Variants in SLC14A2 observed in about 807,000 individuals in gnomAD.
SLC14A2 encodes the protein urea transporter 2.
In SLC14A2, 91 loss-of-function variants were observed where a neutral mutation model predicts 104.6. The ratio of observed to expected loss-of-function variants is 0.87; its 90% CI spans 0.73 to 1.04. SLC14A2 has a LOEUF of 1.04. Ranked by LOEUF, SLC14A2 falls within the 50% of genes least tolerant of loss-of-function variation. The probability of loss-of-function intolerance (pLI) is 0.00; values close to 1 mark genes in which losing one functional copy is unlikely to be tolerated. For synonymous variants in SLC14A2, 476 were observed against 466.4 expected (o/e 1.02, Z -0.27); for missense variants, 1,189 against 1,156.0 (o/e 1.03, Z -0.41).
At chr18:45,431,536 C>T (rs960103875) in intron 1 of SLC14A2, among the ~76,000 whole-genome samples, 2 of 152,206 alleles carry the variant, frequency 1.3e-5, no homozygotes, top group Non-Finnish European at 2.9e-5. Flanking sequence ...GTTCTCTTTC[C>T]TCTTTTCTAT....
At chr18:45,197,549 G>A in the SLC14A2 span, among the ~76,000 whole-genome samples, 5 of 152,226 alleles carry the variant, frequency 3.3e-5, no homozygotes, top group African/African-American at 9.7e-5. Flanking sequence ...TGACAGTCTT[G>A]TGGGTTCTAT....
intron 1 of SLC14A2, among the ~76,000 whole-genome samples, chr18:45,390,403 C>G (rs552920492): frequency 2.0e-5 from 3 of 152,146 alleles, no homozygotes; most frequent in African/African-American, 7.2e-5. Context: ...ATATGCTAAG[C>G]TTTATGGTAG....
intron 2 of SLC14A2, among the ~76,000 whole-genome samples, chr18:45,582,103 A>G (rs1386266823): frequency 1.3e-5 from 2 of 152,224 alleles, no homozygotes; most frequent in African/African-American, 4.8e-5. Flanking sequence ...ATGAACATGC[A>G]TGACATCATT....
chr18:45,585,317 T>C (rs2044550467), intron 2 of SLC14A2, among the ~76,000 whole-genome samples: 2 of 152,316 alleles, frequency 1.3e-5, no homozygotes, highest in South Asian at 4.1e-4. Flanking sequence ...CTCCCTAGCA[T>C]ATCATTTAGT....
At chr18:45,212,523 C>T (rs996202278), upstream of SLC14A2, among the ~76,000 whole-genome samples, 2 of 152,132 alleles carry the variant, frequency 1.3e-5, no homozygotes, top group African/African-American at 2.4e-5. Context: ...ATACAGTACG[C>T]GCAAGAGAAG....
intron 4 of SLC14A2, among the ~76,000 whole-genome samples, chr18:45,630,220 T>A (rs902923112): frequency 2.6e-5 from 4 of 152,208 alleles, no homozygotes; most frequent in African/African-American, 9.7e-5. Context: ...CAGGTCAGTG[T>A]CTTGTTCTGC....
rs1348610063 is a variant in SLC14A2, at chr18:45,666,986, T to C, written c.1609T>C (p.Ser537Pro). Reference protein sequence around the residue: ...SSEIKVETNISKTSWIRSSMA... With the variant: ...SSEIKVETNIPKTSWIRSSMA... ...TGAGATAAAAGTGGAAACAAACATT[T>C]CCAAGACATCCTGGATTCGGAGTTC... The change falls in exon 13 of 20, where the codon TCC becomes CCC. Residue 537 changes from serine (S) to proline (P), a missense_variant. Physicochemically the swap from Ser to Pro is moderately conservative, Grantham distance 74 (BLOSUM62 -1). Transcript: ENST00000255226. The C allele has an allele frequency of 1.2e-6, 2 of 1,613,962 alleles. No individual in the cohort carries two copies. Among genetic ancestry groups the C allele is most frequent in the African/African-American group, 1.3e-5 (1 of 74,882 alleles).
At chr18:45,605,600 G>T (rs1356181047) in intron 2 of SLC14A2, among the ~76,000 whole-genome samples, 1 of 152,202 alleles carries the variant, frequency 6.6e-6, no homozygotes. Flanking sequence ...AGTTAAGGTT[G>T]CAGCCTTGAA....
intron 1 of SLC14A2, among the ~76,000 whole-genome samples, chr18:45,410,302 C>G (rs1311872138): frequency 6.6e-6 from 1 of 152,172 alleles, no homozygotes; most frequent in East Asian, 1.9e-4. Flanking sequence ...GGGTCAGGGA[C>G]TCTTGTTCTA....
Position 45,250,884 on chromosome 18 carries a change from T to C in SLC14A2, c.-125+37693T>C, listed in dbSNP as rs756152835. Among the ~76,000 whole-genome samples the C allele has an allele frequency of 5.3e-5, 8 of 151,818 alleles. 1 individual carries two copies. In the East Asian group the frequency reaches 1.2e-3, roughly 22 times the overall value. ...TGGGAAACTTTGAAGATGAGATGCCTGAGGCAAGTTAACTGGAAAAGTGTG... is the reference window on the plus strand; with the variant it reads ...TGGGAAACTTTGAAGATGAGATGCCCGAGGCAAGTTAACTGGAAAAGTGTG... On this transcript the variant is annotated intron_variant, in intron 1 of 20. Transcript: ENST00000586448.
intron 1 of SLC14A2, among the ~76,000 whole-genome samples, chr18:45,441,161 A>G (rs1055419546): frequency 2.6e-5 from 4 of 152,098 alleles, no homozygotes; most frequent in Admixed American, 2.6e-4. Context: ...CATTCTACTT[A>G]TGCCAATGTT....
chr18:45,617,198 G>A (rs558791137), intron 1 of SLC14A2, among the ~76,000 whole-genome samples: 25 of 152,318 alleles, frequency 1.6e-4, no homozygotes, highest in Non-Finnish European at 2.6e-4. Flanking sequence ...CAAGTGGTCT[G>A]CTCTCTCCCC....
Position 45,542,846 on chromosome 18 carries a change from C to CTAAA in SLC14A2, c.-35+59525_-35+59526insAAAT, listed in dbSNP as rs200980844. 8.5e-5 allele frequency among the ~76,000 whole-genome samples: 13 copies of CTAAA among 152,106 alleles called. No individual in the cohort carries two copies. In the East Asian group the frequency reaches 2.5e-3, roughly 29 times the overall value. ...CTACCCTCAAGGAGTTGGATGTGGCCTCTTATCCCTGGGCTGTTATTTATT... is the reference window on the plus strand; with the variant it reads ...CTACCCTCAAGGAGTTGGATGTGGCCTAAATCTTATCCCTGGGCTGTTATTTATT... On this transcript the variant is annotated intron_variant, in intron 2 of 20. Transcript: ENST00000586448.
In SLC14A2 at chr18:45,624,626, T is replaced by A; in HGVS notation, c.-34-5T>A. 6.3e-7 allele frequency: 1 copy of A among 1,588,536 alleles called. No individual in the cohort carries two copies. The highest frequency in any genetic ancestry group is 1.3e-5 in the African/African-American group (1 of 74,520). On this transcript the variant is annotated splice_region_variant and splice_polypyrimidine_tract_variant and intron_variant, in intron 1 of 19. Transcript: ENST00000255226. ...CACTAGCTCTTTCCCTTTCCTTCCG[T>A]CTAGTCCATCGATAGAAGAGTGGCT... is the stretch of plus-strand genomic sequence containing the variant.
intron 19 of SLC14A2, among the ~76,000 whole-genome samples, chr18:45,681,383 T>C (rs1444529497): frequency 6.6e-6 from 1 of 152,088 alleles, no homozygotes; most frequent in Non-Finnish European, 1.5e-5. Flanking sequence ...TTACTGCTTA[T>C]AATAAGATGA....
intron 1 of SLC14A2, among the ~76,000 whole-genome samples, chr18:45,347,585 A>C (rs2085462032): frequency 6.6e-6 from 1 of 152,112 alleles, no homozygotes; most frequent in African/African-American, 2.4e-5. Context: ...CTGGCTTTCT[A>C]TTCTGTTTTC....
intron 2 of SLC14A2, among the ~76,000 whole-genome samples, chr18:45,502,443 A>G (rs1405435335): frequency 2.0e-5 from 3 of 152,186 alleles, no homozygotes; most frequent in Non-Finnish European, 2.9e-5. Context: ...GGTTGGACTC[A>G]ACAGACCTGG....
intron 1 of SLC14A2, among the ~76,000 whole-genome samples, chr18:45,341,153 A>G (rs569912886): frequency 6.6e-6 from 1 of 151,222 alleles, no homozygotes; most frequent in East Asian, 1.9e-4. Flanking sequence ...GGCATTTCTC[A>G]TATTTATTTG....
chr18:45,428,142 A>T (rs765362679), intron 1 of SLC14A2, among the ~76,000 whole-genome samples: 2 of 152,182 alleles, frequency 1.3e-5, no homozygotes, highest in Non-Finnish European at 2.9e-5. Context: ...TAAATCACCT[A>T]GCTACTGCAC....
Sources: allele counts gnomAD v4.1 joint callset (sites outside exome capture counted in the v4.1 genomes callset), GRCh38; gene constraint gnomAD v4.1.1; transcripts MANE v1.5; gene names NCBI Gene and HGNC (gene_info 2026-07-23, HGNC 2026-07-21).